Variants in HERC3 observed in about 807,000 individuals in gnomAD.
The protein encoded by HERC3 is HECT and RLD domain containing E3 ubiquitin protein ligase 3, also known as probable E3 ubiquitin-protein ligase HERC3.
Under a neutral mutation model 129.9 loss-of-function variants are expected in HERC3, and 58 were observed. The ratio of observed to expected loss-of-function variants is 0.45; its 90% CI spans 0.36 to 0.56. The LOEUF is 0.56. HERC3 is among the 20% of genes least tolerant of loss of function. The pLI is 0.00. For missense variants in HERC3, 835 were observed against 1,244.2 expected (o/e 0.67, Z 4.95); for synonymous variants, 430 against 451.0 (o/e 0.95, Z 0.59).
intron 3 of HERC3, among the ~76,000 whole-genome samples, chr4:88,610,395 G>C (rs1000769404): frequency 6.0e-5 from 9 of 150,290 alleles, no homozygotes; most frequent in African/African-American, 1.7e-4. Flanking sequence ...AGAGGTTGCA[G>C]TGAGCCGAGA....
At chr4:88,529,610 C>T in the HERC3 span, among the ~76,000 whole-genome samples, 6 of 151,990 alleles carry the variant, frequency 3.9e-5, no homozygotes, top group Non-Finnish European at 8.8e-5. Context: ...AAAAATTAGC[C>T]AGGCGTGGTG....
chr4:88,669,549 G>A lies in HERC3; in HGVS notation c.1634-311G>A, dbSNP rs761420826. On this transcript the variant is annotated intron_variant, in intron 14 of 25. Coordinates refer to ENST00000402738, the MANE Select transcript of HERC3 (RefSeq NM_014606.3). ...AATGCTTTTTGGATTAATACATTGG[G>A]CATCACTCCTGCCCAAAATATGTGT... Among the ~76,000 whole-genome samples the A allele has an allele frequency of 1.2e-4, 19 of 152,088 alleles. 1 individual carries two copies. Among genetic ancestry groups the A allele is most frequent in the Admixed American group, 3.9e-4 (6 of 15,264 alleles).
chr4:88,670,446 C>T (rs1039867268), intron 16 of HERC3, among the ~76,000 whole-genome samples, 194 bp downstream of exon 16: 1 of 152,018 alleles, frequency 6.6e-6, no homozygotes, highest in Non-Finnish European at 1.5e-5. Flanking sequence ...TGAGTAGTCA[C>T]CCAGAATGTT....
chr4:88,530,762 A>G, the HERC3 span, among the ~76,000 whole-genome samples: 1 of 152,220 alleles, frequency 6.6e-6, no homozygotes, highest in Non-Finnish European at 1.5e-5. Flanking sequence ...TAACATTTCA[A>G]AACTGATCAC....
upstream of HERC3, among the ~76,000 whole-genome samples, chr4:88,591,062 G>A (rs767513532): frequency 6.6e-6 from 1 of 151,718 alleles, no homozygotes; most frequent in African/African-American, 2.4e-5. Flanking sequence ...GCTAATTTTG[G>A]TATTTTTTTT....
At chr4:88,626,261 G>C (rs1373686465) in intron 3 of HERC3, among the ~76,000 whole-genome samples, 3 of 151,762 alleles carry the variant, frequency 2.0e-5, no homozygotes, top group African/African-American at 7.3e-5. Context: ...GTCCAAGGCT[G>C]GTCTTGAACT....
intron 3 of HERC3, among the ~76,000 whole-genome samples, chr4:88,647,424 A>G (rs1371884340): frequency 6.6e-6 from 1 of 152,150 alleles, no homozygotes; most frequent in Non-Finnish European, 1.5e-5. Flanking sequence ...AGGTCTAGAG[A>G]ACAGAAAAGC....
chr4:88,677,675 A>G lies in HERC3; in HGVS notation c.2026-289A>G, dbSNP rs965564063. On this transcript the variant is annotated intron_variant, in intron 18 of 25. Transcript: ENST00000402738. Reference sequence around the variant, plus strand: ...ACCCACTTTCTACCATGTTTCTTCAAGCATGATACTATTTTAGTATTAATC... The same window carrying G: ...ACCCACTTTCTACCATGTTTCTTCAGGCATGATACTATTTTAGTATTAATC... 7.2e-5 allele frequency among the ~76,000 whole-genome samples: 11 copies of G among 152,254 alleles called. No homozygotes were observed. In the South Asian group the frequency reaches 8.3e-4, roughly 11 times the overall value.
the HERC3 span, among the ~76,000 whole-genome samples, chr4:88,568,453 T>C: frequency 2.0e-5 from 3 of 152,150 alleles, no homozygotes; most frequent in Admixed American, 2.0e-4. Flanking sequence ...ATCTACATGG[T>C]GCTGTATTCT....
rs1035223790 is a variant in HERC3 at position 88,664,036 on chromosome 4, A to T, written c.1272-117A>T. 1.3e-5 allele frequency: 10 copies of T among 751,652 alleles called. No homozygotes were observed. In the African/African-American group the frequency reaches 1.8e-4, roughly 14 times the overall value. 46.6% of individuals were successfully genotyped at this position (751,652 alleles called of 1,614,324 possible). On this transcript the variant is annotated intron_variant, in intron 11 of 25. Coordinates refer to ENST00000402738, the MANE Select transcript of HERC3 (RefSeq NM_014606.3). The stretch of plus-strand genomic sequence containing the variant: ...TGTACATTTTCCAAAGCTTCAGCTG[A>T]CAAAGAGCTGCTATTAATGAAATCC...
chr4:88,580,387 T>C, the HERC3 span, among the ~76,000 whole-genome samples: 1 of 151,934 alleles, frequency 6.6e-6, no homozygotes, highest in Non-Finnish European at 1.5e-5. Flanking sequence ...TAGCCAGGTG[T>C]GGTGGTGGGC....
chr4:88,691,169 C>T (rs1015543822), intron 23 of HERC3, among the ~76,000 whole-genome samples: 1 of 152,146 alleles, frequency 6.6e-6, no homozygotes, highest in African/African-American at 2.4e-5. Context: ...ATTTTGATTG[C>T]ATTTTACTGT....
intron 11 of HERC3, 99 bp from the exon 12 acceptor site, chr4:88,664,054 T>G: frequency 1.0e-6 from 1 of 960,450 alleles, no homozygotes; most frequent in Non-Finnish European, 1.5e-6. Context: ...CTGCTATTAA[T>G]GAAATCCTTG....
At chr4:88,653,306 T>A (rs1578247854) in intron 6 of HERC3, among the ~76,000 whole-genome samples, 1 of 152,258 alleles carries the variant, frequency 6.6e-6, no homozygotes, top group Non-Finnish European at 1.5e-5. Flanking sequence ...TGCAGCTTCC[T>A]GCTTTACATA....
In HERC3 at chr4:88,680,156, C is replaced by T. The variant is rs545017602; in HGVS notation, c.2260C>T (p.Leu754=). 1 of 1,612,280 alleles carries T rather than the reference C, an allele frequency of 6.2e-7. No individual in the cohort carries two copies. Among genetic ancestry groups the T allele is most frequent in the Non-Finnish European group, 8.5e-7 (1 of 1,178,798 alleles). The change falls in exon 20 of 26, where the codon CTG becomes TTG. Residue 754 remains leucine, a synonymous_variant. Coordinates refer to ENST00000402738, the MANE Select transcript of HERC3 (RefSeq NM_014606.3). ...GGVTKEFFLL[L]LKELLNPIYG... ...TGTTACAAAGGAATTTTTTCTTTTGCTGTTAAAAGAACTTTTGAATCCCAT... is the reference window on the plus strand; with the variant it reads ...TGTTACAAAGGAATTTTTTCTTTTGTTGTTAAAAGAACTTTTGAATCCCAT...
chr4:88,596,969 T>C (rs1458543452), intron 2 of HERC3, among the ~76,000 whole-genome samples: 2 of 152,276 alleles, frequency 1.3e-5, no homozygotes, highest in Admixed American at 1.3e-4. Flanking sequence ...CAACACTTTT[T>C]AAGATTTAGT....
intron 3 of HERC3, among the ~76,000 whole-genome samples, chr4:88,622,114 A>G (rs1725585242): frequency 2.6e-5 from 4 of 152,382 alleles, no homozygotes; most frequent in African/African-American, 9.6e-5. Context: ...CTCTTCAAAA[A>G]GAAACCACCC....
the HERC3 span, among the ~76,000 whole-genome samples, chr4:88,585,355 T>C: frequency 1.3e-5 from 2 of 152,188 alleles, no homozygotes; most frequent in Non-Finnish European, 2.9e-5. Context: ...GGTTTTCCTA[T>C]ATAAAGCATG....
At chr4:88,679,009 C>T (rs1316092573) in intron 19 of HERC3, among the ~76,000 whole-genome samples, 1 of 152,202 alleles carries the variant, frequency 6.6e-6, no homozygotes, top group Non-Finnish European at 1.5e-5. Context: ...GTCCCAGTCT[C>T]TGTCCCATTT....
Sources: allele counts gnomAD v4.1 joint callset (sites outside exome capture counted in the v4.1 genomes callset), GRCh38; gene constraint gnomAD v4.1.1; transcripts MANE v1.5; gene names NCBI Gene and HGNC (gene_info 2026-07-23, HGNC 2026-07-21).